The following INSC variants were observed in gnomAD, a reference collection of about 807,000 sequenced individuals.
INSC encodes protein inscuteable homolog.
INSC carries 67 observed loss-of-function variants against 58.6 expected under a neutral mutation model. The ratio of observed to expected loss-of-function variants is 1.14; its 90% CI spans 0.94 to 1.40. The LOEUF is 1.40. Ranked by LOEUF, INSC falls within the 40% of genes most tolerant of loss-of-function variation. The pLI is 0.00. For missense variants in INSC, 714 were observed against 692.0 expected (o/e 1.03, Z -0.36); for synonymous variants, 262 against 276.1 (o/e 0.95, Z 0.51).
chr11:15,136,422 T>G (rs1848246786), intron 1 of INSC, among the ~76,000 whole-genome samples: 1 of 152,104 alleles, frequency 6.6e-6, no homozygotes, highest in South Asian at 2.1e-4. Context: ...CAGTAAAGTT[T>G]GCCACATCAA....
chr11:15,184,699 T>G (rs1849904208), intron 5 of INSC, among the ~76,000 whole-genome samples: 1 of 152,198 alleles, frequency 6.6e-6, no homozygotes, highest in South Asian at 2.1e-4. Context: ...CAGTGAAACA[T>G]TTCTTAAATA....
At chr11:15,259,621 A>G in the INSC span, among the ~76,000 whole-genome samples, 620 of 152,268 alleles carry the variant, frequency 4.1e-3, 2 homozygotes, top group Middle Eastern at 0.048. Flanking sequence ...AGGGAAGGAG[A>G]TAAACATTTA....
At chr11:15,253,590 T>A in the INSC span, among the ~76,000 whole-genome samples, 1 of 151,638 alleles carries the variant, frequency 6.6e-6, no homozygotes, top group African/African-American at 2.4e-5. Context: ...GAAAAGGAAG[T>A]TGGACACTGA....
In INSC at chr11:15,221,332, G is replaced by A. The variant is rs1851430117; in HGVS notation, c.820-145G>A. On this transcript the variant is annotated intron_variant, in intron 7 of 12. Coordinates refer to ENST00000379556, the MANE Select transcript of INSC (RefSeq NM_001042536.3). ...AGGGCCTTATCACTGGATTGTCCCTGGTTCCACATGGGGTCCTGGGCTGTT... is the reference window on the plus strand; with the variant it reads ...AGGGCCTTATCACTGGATTGTCCCTAGTTCCACATGGGGTCCTGGGCTGTT... 3.4e-6 allele frequency: 3 copies of A among 890,028 alleles called. No homozygotes were observed. In the East Asian group the frequency reaches 7.9e-5, roughly 23 times the overall value. 55.1% of individuals were successfully genotyped at this position (890,028 alleles called of 1,614,324 possible).
chr11:15,210,547 G>GTGTGTGTGT (rs1554921705), intron 7 of INSC, among the ~76,000 whole-genome samples: 1 of 148,766 alleles, frequency 6.7e-6, no homozygotes, highest in Non-Finnish European at 1.5e-5. Context: ...GTGTGTGTGT[G>GTGTGTGTGT]GTGGAGTGGG....
chr11:15,168,833 T>C (rs182759694), intron 2 of INSC, among the ~76,000 whole-genome samples: 1 of 152,306 alleles, frequency 6.6e-6, no homozygotes, highest in East Asian at 1.9e-4. Context: ...GGTTTCTTTA[T>C]CTGGTTGCTG....
At chr11:15,266,994 T>A in the INSC span, among the ~76,000 whole-genome samples, 1 of 152,020 alleles carries the variant, frequency 6.6e-6, no homozygotes, top group Non-Finnish European at 1.5e-5. Flanking sequence ...AATTCGGATT[T>A]CTATTTAGTA....
chr11:15,187,051 A>G (rs1849994971), intron 5 of INSC, among the ~76,000 whole-genome samples: 1 of 152,154 alleles, frequency 6.6e-6, no homozygotes, highest in Admixed American at 6.5e-5. Context: ...GTATGGTGCC[A>G]TGGAGGGGAT....
At chr11:15,213,002 G>T (rs1328700435) in intron 7 of INSC, among the ~76,000 whole-genome samples, 1 of 152,230 alleles carries the variant, frequency 6.6e-6, no homozygotes, top group East Asian at 1.9e-4. Context: ...CATAGAAGGT[G>T]GATAACTTGC....
the INSC span, among the ~76,000 whole-genome samples, chr11:15,265,872 T>A: frequency 6.6e-6 from 1 of 151,636 alleles, no homozygotes; most frequent in East Asian, 1.9e-4. Context: ...ATCCTTCTAT[T>A]TTAGCATTTT....
At chr11:15,191,562 T>C (rs1349423981) in intron 6 of INSC, among the ~76,000 whole-genome samples, 1 of 152,212 alleles carries the variant, frequency 6.6e-6, no homozygotes, top group Non-Finnish European at 1.5e-5. Context: ...TTGTAAGACA[T>C]GGGATGTCTC....
At chr11:15,202,971 C>T (rs940994641) in intron 7 of INSC, among the ~76,000 whole-genome samples, 10 of 152,234 alleles carry the variant, frequency 6.6e-5, no homozygotes, top group Non-Finnish European at 1.2e-4. Context: ...GAAAGAGATG[C>T]TCGTAGTCTG....
At chr11:15,177,215 G>T (rs569063611) in intron 4 of INSC, 52 bp downstream of exon 4, 1 of 1,440,876 alleles carries the variant, frequency 6.9e-7, no homozygotes, top group Non-Finnish European at 9.8e-7. Context: ...CCTCTGGCAG[G>T]AGAAGGGGCT....
chr11:15,129,804 T>A (rs1298167878), intron 1 of INSC, among the ~76,000 whole-genome samples: 1 of 152,218 alleles, frequency 6.6e-6, no homozygotes, highest in Non-Finnish European at 1.5e-5. Flanking sequence ...AGAATGAGGA[T>A]GAATTGCTAC....
chr11:15,196,075 C>T (rs1850358016), intron 6 of INSC, among the ~76,000 whole-genome samples: 1 of 152,244 alleles, frequency 6.6e-6, no homozygotes, highest in African/African-American at 2.4e-5. Flanking sequence ...ATGCCCCTAA[C>T]ACTCCCCTGG....
intron 2 of INSC, among the ~76,000 whole-genome samples, chr11:15,170,823 C>T (rs997505704): frequency 1.3e-5 from 2 of 152,088 alleles, no homozygotes; most frequent in Non-Finnish European, 2.9e-5. Flanking sequence ...CAGACAGATA[C>T]AGGCATCCAG....
At chr11:15,220,360 G>A (rs1455121811) in intron 7 of INSC, among the ~76,000 whole-genome samples, 1 of 152,144 alleles carries the variant, frequency 6.6e-6, no homozygotes, top group African/African-American at 2.4e-5. Context: ...CAGGCAGGCT[G>A]GTGTCCGGGG....
intron 9 of INSC, among the ~76,000 whole-genome samples, chr11:15,231,696 C>G (rs1851931767): frequency 6.6e-6 from 1 of 152,244 alleles, no homozygotes; most frequent in Non-Finnish European, 1.5e-5. Context: ...AATTTCTGCA[C>G]AGCATAAAAG....
At chr11:15,222,889 C>T (rs1564912467) in intron 8 of INSC, among the ~76,000 whole-genome samples, 2 of 152,118 alleles carry the variant, frequency 1.3e-5, no homozygotes, top group Non-Finnish European at 2.9e-5. Flanking sequence ...CTCAAGAGAC[C>T]CTACAGTTCT....
Sources: gnomAD v4.1 joint callset for allele counts (sites outside exome capture counted in the v4.1 genomes callset) on GRCh38, gnomAD v4.1.1 for gene constraint, MANE v1.5 for transcripts, NCBI Gene and HGNC (gene_info 2026-07-23, HGNC 2026-07-21) for gene names.